The following KRT8 variants were observed in gnomAD, a reference collection of about 807,000 sequenced individuals.
KRT8 encodes keratin 8.
In KRT8, 24 loss-of-function variants were observed where a neutral mutation model predicts 43.0. That is an observed-to-expected ratio of 0.56 (90% confidence interval 0.40 to 0.78). KRT8 has a LOEUF of 0.78. Among genes scored for constraint, KRT8 ranks in the 30% least tolerant of loss-of-function variants. The pLI is 0.00. For missense variants in KRT8, 492 were observed against 638.4 expected (o/e 0.77, Z 2.47); for synonymous variants, 214 against 261.2 (o/e 0.82, Z 1.74).
chr12:52,900,691 ATGAGGAGAGGGGAGCC>A lies in KRT8; in HGVS notation c.595-24_595-9del, dbSNP rs1244016899. ...GTAAGCTTCATCCACATCCTGGGGG[ATGAGGAGAGGGGAGCC>A]TGAGCTGGGTTTCCACACCCAACCC... On this transcript the variant is annotated splice_polypyrimidine_tract_variant and intron_variant, in intron 3 of 7. Coordinates refer to ENST00000692008, the Ensembl canonical transcript of KRT8. The A allele has an allele frequency of 1.2e-5, 20 of 1,603,024 alleles. No individual in the cohort carries two copies. The highest frequency in any genetic ancestry group is 1.7e-5 in the Admixed American group (1 of 59,978).
At chr12:52,905,117 G>A (rs1167342121), upstream of KRT8, 8 of 1,441,672 alleles carry the variant, frequency 5.5e-6, no homozygotes, top group East Asian at 1.0e-4. Context: ...GGGATGGGGG[G>A]GAAAGGCCTC....
At chr12:52,930,027 G>T (rs1942058080) in intron 2 of KRT8, among the ~76,000 whole-genome samples, 1 of 152,110 alleles carries the variant, frequency 6.6e-6, no homozygotes, top group South Asian at 2.1e-4. Context: ...CAAGAAGCCT[G>T]GAGTCAGCAA....
chr12:52,900,027 A>G (rs868338806), exon 5 of KRT8: 1 of 1,612,832 alleles, frequency 6.2e-7, no homozygotes, highest in Non-Finnish European at 8.5e-7. Flanking sequence ...ACAGCACCAC[A>G]GATGTGTCCG....
chr12:52,906,420 C>T, upstream of KRT8: 1 of 305,570 alleles, frequency 3.3e-6, no homozygotes, highest in Non-Finnish European at 6.5e-6. Flanking sequence ...TCCTGCTTTA[C>T]CCAGGCTCCC....
rs1371160698 is a variant in KRT8 at position 52,918,092 on chromosome 12, A to G, written c.-46-13065T>C. On this transcript the variant is annotated intron_variant, in intron 2 of 6. Transcript: ENST00000546826. ...AGAAGAAGAGGAGGAGGAGGAGAAG[A>G]AGAAGAGGAAGAAGAAGAAGAAGAA... Among the ~76,000 whole-genome samples the G allele has an allele frequency of 4.7e-3, 639 of 134,594 alleles. 73 individuals are homozygous for G. The East Asian group carries it at 0.051, about 11-fold the overall frequency. The allele number at this position is 134,594 out of a possible 152,430, so 88.3% of individuals were successfully genotyped here.
chr12:52,905,415 A>T (rs1030209910), upstream of KRT8, among the ~76,000 whole-genome samples: 1 of 152,148 alleles, frequency 6.6e-6, no homozygotes, highest in Non-Finnish European at 1.5e-5. Flanking sequence ...CTCCTGGGGG[A>T]AATAAACTGG....
At chr12:52,899,726 C>T in intron 5 of KRT8, 49 bp downstream of exon 5, 1 of 1,535,114 alleles carries the variant, frequency 6.5e-7, no homozygotes, top group South Asian at 1.1e-5. Context: ...TATCTCCTCT[C>T]ACCAGGATGT....
At chr12:52,918,204 A>AGAAGAAGAAGAAGGAGAAG (rs1174152176) in intron 2 of KRT8, among the ~76,000 whole-genome samples, 2 of 116,860 alleles carry the variant, frequency 1.7e-5, no homozygotes, top group Non-Finnish European at 3.5e-5. Flanking sequence ...AAGAAGAAGA[A>AGAAGAAGAAGAAGGAGAAG]CAAGAAGAAG....
chr12:52,936,549 G>C (rs1192148915), intron 2 of KRT8, among the ~76,000 whole-genome samples: 1 of 152,108 alleles, frequency 6.6e-6, no homozygotes, highest in African/African-American at 2.4e-5. Flanking sequence ...TTTCACTCTT[G>C]TTGCCCAGGC....
chr12:52,933,938 T>C (rs1942124688), intron 2 of KRT8, among the ~76,000 whole-genome samples: 1 of 150,884 alleles, frequency 6.6e-6, no homozygotes, highest in East Asian at 2.0e-4. Context: ...AAACAATTTT[T>C]AAAAAGAATA....
intron 2 of KRT8, among the ~76,000 whole-genome samples, chr12:52,921,448 C>T (rs1403621765): frequency 6.6e-6 from 1 of 152,166 alleles, no homozygotes; most frequent in Non-Finnish European, 1.5e-5. Context: ...TCTATGGCTT[C>T]GATGGCTCCC....
chr12:52,922,698 A>G (rs1323392399), intron 2 of KRT8, among the ~76,000 whole-genome samples: 1 of 152,170 alleles, frequency 6.6e-6, no homozygotes, highest in Non-Finnish European at 1.5e-5. Context: ...ACAAACCTAT[A>G]AGGAAAGTAC....
chr12:52,946,417 G>A (rs1942344529), intron 2 of KRT8, among the ~76,000 whole-genome samples: 3 of 152,136 alleles, frequency 2.0e-5, no homozygotes, highest in African/African-American at 7.2e-5. Flanking sequence ...TTTGTTTGAT[G>A]AATGAGTGAG....
intron 2 of KRT8, among the ~76,000 whole-genome samples, chr12:52,938,448 T>C (rs1942214352): frequency 1.3e-5 from 2 of 151,716 alleles, no homozygotes; most frequent in Admixed American, 6.6e-5. Flanking sequence ...ATTACTAGTG[T>C]GAGACTCCAC....
intron 2 of KRT8, chr12:52,948,326 C>T (rs1942382313): frequency 6.6e-6 from 1 of 151,930 alleles, no homozygotes; most frequent in Non-Finnish European, 1.5e-5. Context: ...CATTGCTTCT[C>T]CTCCTCTTCT....
upstream of KRT8, among the ~76,000 whole-genome samples, chr12:52,910,516 C>CACAGAG (rs1304900939): frequency 5.3e-5 from 8 of 152,188 alleles, no homozygotes; most frequent in East Asian, 3.9e-4. Context: ...TGGCCAGGGC[C>CACAGAG]ACAGAGACAG....
At chr12:52,897,565 G>A in exon 8 of KRT8, 2 of 1,598,260 alleles carry the variant, frequency 1.3e-6, no homozygotes, top group Non-Finnish European at 1.7e-6. Flanking sequence ...CTGGAGCCCA[G>A]GCTGTAGCTG....
chr12:52,918,735 G>A (rs988062877), intron 2 of KRT8, among the ~76,000 whole-genome samples: 12 of 152,252 alleles, frequency 7.9e-5, no homozygotes, highest in African/African-American at 2.9e-4. Context: ...AGACATGTTA[G>A]CTTGACTCTC....
chr12:52,943,683 C>T (rs1008842764), intron 2 of KRT8, among the ~76,000 whole-genome samples: 49 of 152,226 alleles, frequency 3.2e-4, no homozygotes, highest in Admixed American at 9.8e-4. Flanking sequence ...AAGAGGCTCC[C>T]TCTCTGCAAT....
Sources: gnomAD v4.1 joint callset for allele counts (sites outside exome capture counted in the v4.1 genomes callset) on GRCh38, gnomAD v4.1.1 for gene constraint, MANE v1.5 for transcripts, NCBI Gene and HGNC (gene_info 2026-07-23, HGNC 2026-07-21) for gene names.